Variants in IFT52 observed in about 807,000 individuals in gnomAD.
The protein encoded by IFT52 is intraflagellar transport 52.
IFT52 carries 44 observed loss-of-function variants against 54.4 expected under a neutral mutation model. That is an observed-to-expected ratio of 0.81 (90% confidence interval 0.63 to 1.04). IFT52 has a LOEUF of 1.04. Among genes scored for constraint, IFT52 ranks in the 50% least tolerant of loss-of-function variants. IFT52 has a pLI of 0.00. For synonymous variants in IFT52, 181 were observed against 185.3 expected (o/e 0.98, Z 0.19); for missense variants, 452 against 523.6 (o/e 0.86, Z 1.33).
chr20:43,639,030 G>A (rs567470717), intron 12 of IFT52, among the ~76,000 whole-genome samples: 5 of 152,340 alleles, frequency 3.3e-5, no homozygotes, highest in African/African-American at 9.6e-5. Context: ...AGGAATCACA[G>A]AACGGTGAAG....
intron 3 of IFT52, among the ~76,000 whole-genome samples, chr20:43,597,271 T>C (rs2145585593): frequency 1.3e-5 from 2 of 151,066 alleles, no homozygotes; most frequent in Middle Eastern, 6.8e-3. Flanking sequence ...CATGAGAGGC[T>C]GAGGCAGGAG....
At chr20:43,646,151 C>T (rs1986185067) in intron 13 of IFT52, among the ~76,000 whole-genome samples, 1 of 148,708 alleles carries the variant, frequency 6.7e-6, no homozygotes, top group African/African-American at 2.5e-5. Context: ...GCAGAGCTTG[C>T]AGTGAGCCGA....
At position 43,642,537 on chromosome 20, in the gene IFT52, C is replaced by A. The variant is rs759272876; in HGVS notation, c.1179C>A (p.Thr393=). 6.2e-7 allele frequency: 1 copy of A among 1,613,960 alleles called. No homozygotes were observed. Among genetic ancestry groups the A allele is most frequent in the Non-Finnish European group, 8.5e-7 (1 of 1,179,900 alleles). The change falls in exon 13 of 14, where the codon ACC becomes ACA. Residue 393 remains threonine, a synonymous_variant. Coordinates refer to ENST00000373030, the MANE Select transcript of IFT52 (RefSeq NM_016004.5). ...VRKCGDILGV[T]SKLPKDQQDA... Reference sequence around the variant, plus strand: ...AGTGTGGTGATATTCTTGGAGTAACCAGTAAACTACCAAAGGACCAACAGG... The same window carrying A: ...AGTGTGGTGATATTCTTGGAGTAACAAGTAAACTACCAAAGGACCAACAGG...
intron 12 of IFT52, 152 bp downstream of exon 12, chr20:43,637,405 G>A: frequency 2.2e-6 from 1 of 447,930 alleles, no homozygotes; most frequent in Non-Finnish European, 4.0e-6. Context: ...TGGGATTACA[G>A]GCATGCGCCA....
At position 43,594,835 on chromosome 20, in the gene IFT52, T is replaced by G; in HGVS notation, c.119+18T>G. 1 of 1,204,660 alleles carries G rather than the reference T, an allele frequency of 8.3e-7. No homozygotes were observed. The highest frequency in any genetic ancestry group is 1.5e-5 in the African/African-American group (1 of 66,928). 74.6% of individuals were successfully genotyped at this position (1,204,660 alleles called of 1,614,324 possible). ...ATTCAGAGGTGACTGACCATGTATATTGTTTTCCCTTCTAAATGATATTGT... is the reference window on the plus strand; with the variant it reads ...ATTCAGAGGTGACTGACCATGTATAGTGTTTTCCCTTCTAAATGATATTGT... On this transcript the variant is annotated intron_variant, in intron 2 of 13. Coordinates refer to ENST00000373030, the MANE Select transcript of IFT52 (RefSeq NM_016004.5).
At chr20:43,620,748 T>C (rs1984231976) in intron 8 of IFT52, 109 bp from the exon 9 acceptor site, 1 of 782,436 alleles carries the variant, frequency 1.3e-6, no homozygotes, top group Non-Finnish European at 2.1e-6. Context: ...GAATCACTGG[T>C]TTAATCTTTC....
intron 4 of IFT52, 143 bp downstream of exon 4, chr20:43,604,032 G>C: frequency 1.1e-6 from 1 of 917,304 alleles, no homozygotes; most frequent in Non-Finnish European, 1.7e-6. Context: ...TCAGCAGTCT[G>C]AGCCTCCTAG....
At chr20:43,617,531 C>T (rs758640312) in intron 7 of IFT52, among the ~76,000 whole-genome samples, 1 of 151,992 alleles carries the variant, frequency 6.6e-6, no homozygotes, top group Non-Finnish European at 1.5e-5. Context: ...GCAACCTCCG[C>T]TTCCCAGATT....
chr20:43,621,110 A>G (rs1001025251), intron 9 of IFT52, 185 bp downstream of exon 9: 1 of 475,960 alleles, frequency 2.1e-6, no homozygotes, highest in Admixed American at 3.7e-5. Context: ...AATATATGTA[A>G]TTAATCATAG....
At chr20:43,612,762 G>A (rs1983557579) in intron 6 of IFT52, among the ~76,000 whole-genome samples, 1 of 152,090 alleles carries the variant, frequency 6.6e-6, no homozygotes, top group African/African-American at 2.4e-5. Context: ...AAGAATTTTT[G>A]TTGTCTAAAG....
chr20:43,625,449 G>A (rs998290804), intron 10 of IFT52, among the ~76,000 whole-genome samples: 10 of 152,182 alleles, frequency 6.6e-5, no homozygotes, highest in East Asian at 1.9e-4. Flanking sequence ...CAGAGATGGC[G>A]GTGAGTCAAG....
Position 43,602,136 on chromosome 20 carries a change from A to ATTTTT in IFT52, c.208-1623_208-1619dup, listed in dbSNP as rs66546319. Among the ~76,000 whole-genome samples the ATTTTT allele has an allele frequency of 1.4e-4, 19 of 140,230 alleles. 1 individual carries two copies. Among genetic ancestry groups the ATTTTT allele is most frequent in the Admixed American group, 6.9e-4 (10 of 14,464 alleles). 92.0% of individuals were successfully genotyped at this position (140,230 alleles called of 152,430 possible). A position where few individuals can be genotyped will look rare whatever the true frequency, so the allele number is the denominator to read the frequency against. ...TCCAGAGGAAATGGACTTTGAGCTG[A>ATTTTT]TTTTTATTTTATTTATTTATTTATT... On this transcript the variant is annotated intron_variant, in intron 3 of 13. Transcript: ENST00000373030.
chr20:43,626,307 A>G (rs921478753), intron 10 of IFT52, among the ~76,000 whole-genome samples: 5 of 148,706 alleles, frequency 3.4e-5, no homozygotes, highest in Admixed American at 6.8e-5. Context: ...GTTTTTGCCC[A>G]AGCTGGAGTG....
intron 10 of IFT52, among the ~76,000 whole-genome samples, chr20:43,631,187 A>G (rs181719300): frequency 3.3e-5 from 5 of 152,318 alleles, no homozygotes; most frequent in African/African-American, 1.2e-4. Context: ...GCTACTGTTT[A>G]TCATTCCTGT....
rs141077205 is a variant in IFT52 at position 43,620,838 on chromosome 20, A to G, written c.700-19A>G. ...AAATAACCAACTGTCCTAATTATATACTTTTTTTTTTAATTTAGGATGTTG... is the reference window on the plus strand; with the variant it reads ...AAATAACCAACTGTCCTAATTATATGCTTTTTTTTTTAATTTAGGATGTTG... On this transcript the variant is annotated intron_variant, in intron 8 of 13. Coordinates refer to ENST00000373030, the MANE Select transcript of IFT52 (RefSeq NM_016004.5). The G allele has an allele frequency of 2.0e-6, 3 of 1,478,138 alleles. No homozygotes were observed. Among genetic ancestry groups the G allele is most frequent in the Admixed American group, 2.0e-5 (1 of 49,448 alleles). The allele number at this position is 1,478,138 out of a possible 1,614,324, so 91.6% of individuals were successfully genotyped here.
At chr20:43,638,503 A>G (rs2145673134) in intron 12 of IFT52, among the ~76,000 whole-genome samples, 1 of 152,188 alleles carries the variant, frequency 6.6e-6, no homozygotes. Flanking sequence ...CTTCTACACT[A>G]TTTATTTTTA....
chr20:43,594,714 C>A lies in IFT52; in HGVS notation c.16C>A (p.Arg6=). ...TAAGGTAACCATGGAGAAAGAGCTG[C>A]GGAGCACCATTCTTTTCAATGCCTA... MEKEL[R]STILFNAYKK... is the part of the protein sequence containing the mutation. The change falls in exon 2 of 14, where the codon CGG becomes AGG. Residue 6 remains arginine (R), a synonymous_variant. Transcript: ENST00000373030. 1 of 1,597,576 alleles carries A rather than the reference C, an allele frequency of 6.3e-7. No individual in the cohort carries two copies. Among genetic ancestry groups the A allele is most frequent in the Non-Finnish European group, 8.6e-7 (1 of 1,165,038 alleles).
chr20:43,625,018 A>G (rs1234142985), intron 10 of IFT52, among the ~76,000 whole-genome samples: 1 of 152,056 alleles, frequency 6.6e-6, no homozygotes, highest in Non-Finnish European at 1.5e-5. Flanking sequence ...TGGCACAACT[A>G]CTTTTCCAGG....
intron 1 of IFT52, 22 bp from the exon 2 acceptor site, chr20:43,594,671 G>C: frequency 8.0e-7 from 1 of 1,245,932 alleles, no homozygotes; most frequent in Non-Finnish European, 1.2e-6. Flanking sequence ...TTGATTTTCT[G>C]ATCCCATCTT....
Sources: gnomAD v4.1 joint callset for allele counts (sites outside exome capture counted in the v4.1 genomes callset) on GRCh38, gnomAD v4.1.1 for gene constraint, MANE v1.5 for transcripts, NCBI Gene and HGNC (gene_info 2026-07-23, HGNC 2026-07-21) for gene names.